POF1B: variants seen among roughly 807,000 people sequenced by gnomAD.
POF1B encodes the protein POF1B actin binding protein.
In POF1B, 53 loss-of-function variants were observed where a neutral mutation model predicts 55.3. The observed-to-expected ratio is 0.96, with a 90% CI of 0.77 to 1.20. The LOEUF is 1.20. Ranked by LOEUF, POF1B falls within the 50% of genes most tolerant of loss-of-function variation. The pLI is 0.00. For synonymous variants in POF1B, 188 were observed against 148.3 expected (o/e 1.27, Z -1.95); for missense variants, 478 against 420.5 (o/e 1.14, Z -1.20).
chrX:85,305,060 T>C (rs1932541404), intron 13 of POF1B, among the ~76,000 whole-genome samples: 1 of 111,166 alleles, frequency 9.0e-6, no homozygotes, highest in African/African-American at 3.3e-5. Context: ...GTTAGTAATG[T>C]TGGAATGGAA....
At chrX:85,298,429 C>T (rs1932359490) in intron 15 of POF1B, among the ~76,000 whole-genome samples, 1 of 111,226 alleles carries the variant, frequency 9.0e-6, no homozygotes, top group Admixed American at 9.5e-5. Flanking sequence ...AAGTGGGTTG[C>T]CCTGCTGTCA....
At chrX:85,373,578 C>T (rs1933872207) in intron 2 of POF1B, among the ~76,000 whole-genome samples, 1 of 111,762 alleles carries the variant, frequency 8.9e-6, no homozygotes, top group East Asian at 2.8e-4. Context: ...TTCTTTACTA[C>T]TTATTGTGTA....
chrX:85,339,787 A>G (rs935409379), intron 6 of POF1B, among the ~76,000 whole-genome samples: 11 of 111,511 alleles, frequency 9.9e-5, no homozygotes, highest in African/African-American at 3.6e-4. Context: ...TCACAAAGTT[A>G]GAGTCTTAAT....
chrX:85,360,670 G>A (rs1933601177), intron 3 of POF1B, among the ~76,000 whole-genome samples: 1 of 105,772 alleles, frequency 9.5e-6, no homozygotes, highest in African/African-American at 3.5e-5. Flanking sequence ...GTGTCTTTAT[G>A]GTAGAATGAT....
At chrX:85,376,535 C>G (rs746011423) in intron 2 of POF1B, among the ~76,000 whole-genome samples, 11 of 111,497 alleles carry the variant, frequency 9.9e-5, no homozygotes, top group African/African-American at 2.9e-4. Context: ...ATTTCACCAG[C>G]AACTGGTTTC....
At position 85,367,734 on chromosome X, in the gene POF1B, T is replaced by C; in HGVS notation, c.315A>G (p.Thr105=). The C allele has an allele frequency of 8.6e-7, 1 of 1,164,247 alleles. No individual in the cohort carries two copies. The highest frequency in any genetic ancestry group is 1.2e-6 in the Non-Finnish European group (1 of 868,930). ...TTATATGTAGAGTACTTGGGGCACATGTAGATATTTTTAAAGTTGGAGAAT... is the reference window on the plus strand; with the variant it reads ...TTATATGTAGAGTACTTGGGGCACACGTAGATATTTTTAAAGTTGGAGAAT... ...ELHSPTLKIS[T]CAPSTLHITQ... The change falls in exon 3 of 17, where the codon ACA becomes ACG. Residue 105 remains threonine, a synonymous_variant. Coordinates refer to ENST00000262753, the MANE Select transcript of POF1B (RefSeq NM_024921.4).
chrX:85,328,165 C>CTTTT (rs1170529846), intron 7 of POF1B, among the ~76,000 whole-genome samples: 5 of 101,745 alleles, frequency 4.9e-5, no homozygotes, highest in East Asian at 3.4e-4. Context: ...TATACAATAT[C>CTTTT]TTTTTTATTT....
At chrX:85,306,870 A>C (rs899280693) in intron 11 of POF1B, among the ~76,000 whole-genome samples, 2 of 111,881 alleles carry the variant, frequency 1.8e-5, no homozygotes, top group Non-Finnish European at 3.8e-5. Flanking sequence ...ATGTTAGTAC[A>C]TTAAATAAAT....
Position 85,339,192 on chromosome X carries a change from C to T in POF1B, c.723+6668G>A, listed in dbSNP as rs1255808428. 3.6e-5 allele frequency among the ~76,000 whole-genome samples: 4 copies of T among 110,790 alleles called. No homozygotes were observed. The Admixed American group carries it at 3.8e-4, about 11-fold the overall frequency. On this transcript the variant is annotated intron_variant, in intron 6 of 16. Transcript: ENST00000262753. ...ACCAAGCCATGTCTTACATGGATGG[C>T]AGCAGGCAAAAAGAGAGAGCTTGTG...
chrX:85,294,880 T>A (rs1258132053), intron 15 of POF1B, among the ~76,000 whole-genome samples: 2 of 111,694 alleles, frequency 1.8e-5, no homozygotes, highest in Non-Finnish European at 3.8e-5. Flanking sequence ...AGGAGTTTTT[T>A]AATTACTAAT....
chrX:85,348,682 C>T (rs1003592367), intron 5 of POF1B, among the ~76,000 whole-genome samples: 1 of 110,992 alleles, frequency 9.0e-6, no homozygotes, highest in African/African-American at 3.3e-5. Flanking sequence ...TCCCAAACTC[C>T]GAAACTGTTT....
intron 4 of POF1B, among the ~76,000 whole-genome samples, chrX:85,353,972 A>G: frequency 9.0e-6 from 1 of 111,465 alleles, no homozygotes; most frequent in Non-Finnish European, 1.9e-5. Flanking sequence ...GATTACTACA[A>G]ATCCATTGGG....
intron 7 of POF1B, among the ~76,000 whole-genome samples, chrX:85,319,801 T>C (rs1160373352): frequency 1.8e-5 from 2 of 111,744 alleles, no homozygotes; most frequent in Admixed American, 9.5e-5. Flanking sequence ...TTTGCATCAA[T>C]GTTCATCAAG....
Position 85,279,359 on chromosome X carries a change from T to C in POF1B, c.*62A>G. The C allele has an allele frequency of 9.3e-7, 1 of 1,075,356 alleles. No homozygotes were observed. Among genetic ancestry groups the C allele is most frequent in the Non-Finnish European group, 1.3e-6 (1 of 785,336 alleles). 88.6% of individuals were successfully genotyped at this position (1,075,356 alleles called of 1,213,427 possible). A position where few individuals can be genotyped will look rare whatever the true frequency, so the allele number is the denominator to read the frequency against. On this transcript the variant is annotated 3_prime_UTR_variant, in exon 17 of 17. Coordinates refer to ENST00000262753, the MANE Select transcript of POF1B (RefSeq NM_024921.4). ...TGATGGAAAAATAACAAAGTACTAA[T>C]GCAGAGACACACACACAAAAAAAAA...
chrX:85,338,525 G>T (rs956013800), intron 6 of POF1B, among the ~76,000 whole-genome samples: 3 of 111,823 alleles, frequency 2.7e-5, no homozygotes, highest in African/African-American at 9.7e-5. Context: ...ATTTGTAACA[G>T]CGTAAATTAT....
chrX:85,359,529 T>C, intron 4 of POF1B, 21 bp downstream of exon 4: 1 of 1,094,556 alleles, frequency 9.1e-7, no homozygotes, highest in Non-Finnish European at 1.3e-6. Context: ...AATTATATGT[T>C]GGTAAAAGTT....
At chrX:85,319,259 A>G (rs1433039209) in intron 7 of POF1B, among the ~76,000 whole-genome samples, 1 of 111,527 alleles carries the variant, frequency 9.0e-6, no homozygotes, top group African/African-American at 3.2e-5. Flanking sequence ...CAAATCAAGG[A>G]GCTTTTGGGC....
In POF1B at chrX:85,361,039, C is replaced by A. The variant is rs917888687; in HGVS notation, c.358-1409G>T. On this transcript the variant is annotated intron_variant, in intron 3 of 16. Transcript: ENST00000262753. Reference sequence around the variant, plus strand: ...ATGTATGGCTTCTTTTGAGAAGTGTCTGTTCATGTCCTTTGCCTACTTTTT... The same window carrying A: ...ATGTATGGCTTCTTTTGAGAAGTGTATGTTCATGTCCTTTGCCTACTTTTT... 3.1e-4 allele frequency among the ~76,000 whole-genome samples: 35 copies of A among 111,328 alleles called. 1 individual carries two copies. The highest frequency in any genetic ancestry group is 1.3e-4 in the Non-Finnish European group (7 of 53,042).
At chrX:85,376,470 A>G (rs1220982039) in intron 2 of POF1B, among the ~76,000 whole-genome samples, 1 of 111,845 alleles carries the variant, frequency 8.9e-6, no homozygotes, top group Non-Finnish European at 1.9e-5. Flanking sequence ...GTGTTTGACT[A>G]TACGTGTTCA....
Sources: gnomAD v4.1 joint callset for allele counts (sites outside exome capture counted in the v4.1 genomes callset) on GRCh38, gnomAD v4.1.1 for gene constraint, MANE v1.5 for transcripts, NCBI Gene and HGNC (gene_info 2026-07-23, HGNC 2026-07-21) for gene names.